The following HAPSTR2 variants were observed in gnomAD, a reference collection of about 807,000 sequenced individuals.
The protein encoded by HAPSTR2 is HUWE1-associated protein modifying stress responses 2.
chrX:140,092,424 T>C, the HAPSTR2 span: 1 of 754,161 alleles, frequency 1.3e-6, no homozygotes, highest in Non-Finnish European at 1.6e-6. Context: ...AACTAGCTTC[T>C]TGGAGGACGA....
chrX:140,091,732 T>G, the HAPSTR2 span: 1 of 861,132 alleles, frequency 1.2e-6, no homozygotes, highest in Non-Finnish European at 1.4e-6. Flanking sequence ...GTGCGCGGCC[T>G]GAAGAGGAGG....
At chrX:140,092,751 A>G in the HAPSTR2 span, among the ~76,000 whole-genome samples, 667 of 111,746 alleles carry the variant, frequency 6.0e-3, 4 homozygotes, top group African/African-American at 0.02. Flanking sequence ...CTGACTTTCC[A>G]AAAAATATAA....
At chrX:140,092,224 C>A in the HAPSTR2 span, 1 of 753,539 alleles carries the variant, frequency 1.3e-6, no homozygotes, top group Non-Finnish European at 1.6e-6. Context: ...CCTAGGACAC[C>A]CCCGAAGCCA....
At chrX:140,092,635 G>T in the HAPSTR2 span, 4 of 680,059 alleles carry the variant, frequency 5.9e-6, no homozygotes, top group Non-Finnish European at 7.0e-6. Flanking sequence ...TTGTCTAAAG[G>T]TTACTGGAGA....
the HAPSTR2 span, chrX:140,091,702 A>C: frequency 4.9e-4 from 359 of 738,121 alleles, no homozygotes; most frequent in East Asian, 3.1e-3. Context: ...GCGGCGGCGG[A>C]GGAGGAGGCG....
the HAPSTR2 span, chrX:140,092,611 A>C: frequency 1.8e-5 from 13 of 730,112 alleles, no homozygotes; most frequent in Non-Finnish European, 2.1e-5. Context: ...GAGTGAACTC[A>C]ACCGTCGACA....
At chrX:140,092,286 G>T in the HAPSTR2 span, 1 of 754,722 alleles carries the variant, frequency 1.3e-6, no homozygotes, top group Non-Finnish European at 1.6e-6. Context: ...CTCATCGGTG[G>T]ACGTCGACCT....
chrX:140,091,785 C>T, the HAPSTR2 span: 3 of 958,338 alleles, frequency 3.1e-6, no homozygotes, highest in Non-Finnish European at 4.0e-6. Context: ...GGTCGCGGAG[C>T]ACTGGTTTTC....
At chrX:140,091,755 CAGA>C in the HAPSTR2 span, 2 of 918,418 alleles carry the variant, frequency 2.2e-6, no homozygotes, top group South Asian at 6.2e-5. Context: ...GGAGGAGCAG[CAGA>C]AGGAGGGCGA....
the HAPSTR2 span, chrX:140,091,848 C>T: frequency 2.9e-5 from 28 of 979,378 alleles, no homozygotes; most frequent in South Asian, 7.1e-4. Flanking sequence ...GCAGCTGCCC[C>T]CCGAGCTGCA....
chrX:140,092,388 G>A, the HAPSTR2 span: 10 of 754,187 alleles, frequency 1.3e-5, no homozygotes, highest in Non-Finnish European at 1.4e-5. Flanking sequence ...TCAAGACAGC[G>A]GTGTCGCCAG....
the HAPSTR2 span, chrX:140,091,941 G>A: frequency 1.1e-6 from 1 of 874,228 alleles, no homozygotes; most frequent in East Asian, 6.8e-5. Context: ...GGCCACCGCC[G>A]TTGCTCAGCT....
the HAPSTR2 span, chrX:140,092,659 CTTCTCT>C: frequency 1.7e-6 from 1 of 605,786 alleles, no homozygotes; most frequent in Non-Finnish European, 2.0e-6. Context: ...TTTTTCTTCC[CTTCTCT>C]AAGTTAAACA....
the HAPSTR2 span, chrX:140,092,163 A>G: frequency 1.3e-6 from 1 of 762,647 alleles, no homozygotes; most frequent in African/African-American, 2.3e-5. Context: ...CGAAGACTTG[A>G]TTAGCTTCCT....
chrX:140,092,778 A>G, the HAPSTR2 span, among the ~76,000 whole-genome samples: 72 of 111,666 alleles, frequency 6.4e-4, no homozygotes, highest in African/African-American at 2.2e-3. Context: ...CAGAGAACAA[A>G]TATGTAGTAG....
chrX:140,091,877 G>A, the HAPSTR2 span: 1 of 964,539 alleles, frequency 1.0e-6, no homozygotes, highest in Non-Finnish European at 1.3e-6. Flanking sequence ...CGGCTGCAGA[G>A]TTGGCAGGGC....
chrX:140,092,290 T>C, the HAPSTR2 span: 6 of 752,818 alleles, frequency 8.0e-6, no homozygotes, highest in Non-Finnish European at 9.4e-6. Flanking sequence ...TCGGTGGACG[T>C]CGACCTGCAG....
chrX:140,092,538 A>G, the HAPSTR2 span: 2 of 753,384 alleles, frequency 2.7e-6, no homozygotes, highest in Non-Finnish European at 3.1e-6. Context: ...AGACTCCCCA[A>G]TCCAAAAGCG....
At chrX:140,092,448 G>C in the HAPSTR2 span, 1 of 754,027 alleles carries the variant, frequency 1.3e-6, no homozygotes, top group South Asian at 6.8e-5. Context: ...GAATCCCTTC[G>C]ACTCAGAGGA....
Sources: gnomAD v4.1 joint callset for allele counts (sites outside exome capture counted in the v4.1 genomes callset) on GRCh38, gnomAD v4.1.1 for gene constraint, MANE v1.5 for transcripts, NCBI Gene and HGNC (gene_info 2026-07-23, HGNC 2026-07-21) for gene names.